The following LRRFIP2 variants were observed in gnomAD, a reference collection of about 807,000 sequenced individuals.
LRRFIP2 encodes the protein leucine-rich repeat flightless-interacting protein 2.
Under a neutral mutation model 125.9 loss-of-function variants are expected in LRRFIP2, and 109 were observed. The ratio of observed to expected loss-of-function variants is 0.87; its 90% CI spans 0.74 to 1.01. The LOEUF is 1.01. Ranked by LOEUF, LRRFIP2 falls within the 50% of genes least tolerant of loss-of-function variation. The pLI, the probability that LRRFIP2 is intolerant of heterozygous loss-of-function variation, is 0.00. For synonymous variants in LRRFIP2, 291 were observed against 293.1 expected (o/e 0.99, Z 0.07); for missense variants, 850 against 862.3 (o/e 0.99, Z 0.18).
intron 2 of LRRFIP2, among the ~76,000 whole-genome samples, chr3:37,145,422 T>A (rs1188388940): frequency 6.6e-6 from 1 of 152,190 alleles, no homozygotes. Flanking sequence ...TAAATACTTG[T>A]GAGAGGGGGA....
At chr3:37,160,388 G>T (rs186988682) in intron 1 of LRRFIP2, among the ~76,000 whole-genome samples, 1 of 152,046 alleles carries the variant, frequency 6.6e-6, no homozygotes, top group African/African-American at 2.4e-5. Context: ...AATAAACTAC[G>T]CAGGGAGAAG....
At position 37,093,469 on chromosome 3, in the gene LRRFIP2, T is replaced by C. The variant is rs928458620; in HGVS notation, c.1035+1323A>G. 3.9e-5 allele frequency among the ~76,000 whole-genome samples: 6 copies of C among 152,264 alleles called. No individual in the cohort carries two copies. The South Asian group carries it at 1.2e-3, about 32-fold the overall frequency. On this transcript the variant is annotated intron_variant, in intron 17 of 27. Transcript: ENST00000336686. ...ACCTTTAAAAGAAAGCTAAAAACCT[T>C]TTCTTAAATTTCTCTCTCCCTACCA...
chr3:37,117,146 C>T (rs1372038089), intron 6 of LRRFIP2, among the ~76,000 whole-genome samples: 2 of 150,448 alleles, frequency 1.3e-5, no homozygotes, highest in Non-Finnish European at 3.0e-5. Flanking sequence ...AAAAAACCTC[C>T]ATGACCAAAA....
intron 19 of LRRFIP2, among the ~76,000 whole-genome samples, chr3:37,080,841 C>T (rs1232186647): frequency 6.6e-6 from 1 of 152,078 alleles, no homozygotes; most frequent in Non-Finnish European, 1.5e-5. Flanking sequence ...AGGTGTGAAA[C>T]TTACCTGGAT....
chr3:37,102,354 T>C (rs530944511), intron 15 of LRRFIP2, among the ~76,000 whole-genome samples: 1 of 152,134 alleles, frequency 6.6e-6, no homozygotes, highest in African/African-American at 2.4e-5. Context: ...TGGCAAAATA[T>C]TGATAATTGT....
At chr3:37,152,067 G>A (rs538932817) in intron 1 of LRRFIP2, among the ~76,000 whole-genome samples, 9 of 152,186 alleles carry the variant, frequency 5.9e-5, no homozygotes, top group African/African-American at 2.2e-4. Context: ...AAAAACACAA[G>A]TGCTCATCAA....
chr3:37,078,972 T>C (rs906937241), intron 19 of LRRFIP2, among the ~76,000 whole-genome samples: 12 of 152,216 alleles, frequency 7.9e-5, no homozygotes, highest in Admixed American at 7.2e-4. Flanking sequence ...CATATTGATA[T>C]TTTAAGAGAA....
intron 15 of LRRFIP2, among the ~76,000 whole-genome samples, chr3:37,096,952 A>G (rs1457412443): frequency 6.6e-6 from 1 of 152,142 alleles, no homozygotes; most frequent in Non-Finnish European, 1.5e-5. Flanking sequence ...GGCTACATAT[A>G]AAGTTTTAGC....
intron 19 of LRRFIP2, among the ~76,000 whole-genome samples, chr3:37,081,648 C>G (rs1188082968): frequency 6.6e-6 from 1 of 151,986 alleles, no homozygotes; most frequent in Admixed American, 6.6e-5. Context: ...CTGTGGGAAG[C>G]TGAGGTGGGT....
intron 21 of LRRFIP2, chr3:37,067,109 A>G (rs975427744): frequency 6.6e-6 from 1 of 152,294 alleles, no homozygotes; most frequent in African/African-American, 2.4e-5. Flanking sequence ...CTGGAAAAAC[A>G]GAAGGGATAA....
intron 8 of LRRFIP2, among the ~76,000 whole-genome samples, chr3:37,112,227 T>C (rs1186756926): frequency 6.6e-6 from 1 of 151,298 alleles, no homozygotes; most frequent in Non-Finnish European, 1.5e-5. Context: ...TCCCAGCTAC[T>C]TGGGAGGCTG....
chr3:37,102,899 CA>C, intron 15 of LRRFIP2, 24 bp downstream of exon 15: 1 of 1,494,150 alleles, frequency 6.7e-7, no homozygotes, highest in Non-Finnish European at 9.1e-7. Flanking sequence ...ACAACATAAC[CA>C]ACCACCCCAT....
intron 24 of LRRFIP2, among the ~76,000 whole-genome samples, chr3:37,063,274 GA>G (rs1023332739): frequency 1.2e-4 from 19 of 152,184 alleles, no homozygotes; most frequent in African/African-American, 4.1e-4. Flanking sequence ...TTATTAGGAG[GA>G]TATAAGAGTG....
intron 6 of LRRFIP2, among the ~76,000 whole-genome samples, chr3:37,120,053 T>G (rs1239235735): frequency 6.6e-6 from 1 of 151,850 alleles, no homozygotes; most frequent in Non-Finnish European, 1.5e-5. Context: ...TACTGTAAAA[T>G]CATTTATAAG....
Position 37,167,211 on chromosome 3 carries a change from AAAG to A in LRRFIP2, c.-56+7325_-56+7327del, listed in dbSNP as rs1215249764. 1.2e-3 allele frequency among the ~76,000 whole-genome samples: 163 copies of A among 136,062 alleles called. 1 individual carries two copies. Among genetic ancestry groups the A allele is most frequent in the Admixed American group, 2.4e-3 (34 of 13,882 alleles). The allele number at this position is 136,062 out of a possible 152,430, so 89.3% of individuals were successfully genotyped here. A position where few individuals can be genotyped will look rare whatever the true frequency, so the allele number is the denominator to read the frequency against. ...AATCTTGTCTCCAAAAAAAAAAAAA[AAAG>A]AAAGAAAGAAAGAAAAGAAGAGAAA... On this transcript the variant is annotated intron_variant, in intron 1 of 27. Transcript: ENST00000336686.
rs114402101 is a variant in LRRFIP2 at position 37,167,302 on chromosome 3, C to A, written c.-56+7237G>T. 5.2e-3 allele frequency among the ~76,000 whole-genome samples: 787 copies of A among 151,932 alleles called. 7 individuals carry two copies. The highest frequency in any genetic ancestry group is 0.018 in the African/African-American group (751 of 41,454). Reference sequence around the variant, plus strand: ...TACAAATCAAAACCACAGTGAAATACCACCCTATTAGAGATTTTATTTTAA... The same window carrying A: ...TACAAATCAAAACCACAGTGAAATAACACCCTATTAGAGATTTTATTTTAA... On this transcript the variant is annotated intron_variant, in intron 1 of 27. Transcript: ENST00000336686.
intron 2 of LRRFIP2, among the ~76,000 whole-genome samples, chr3:37,140,067 A>G (rs2095654058): frequency 2.0e-5 from 3 of 152,052 alleles, no homozygotes; most frequent in South Asian, 2.1e-4. Context: ...TAAAACTCTC[A>G]TCTCTTAGCT....
chr3:37,053,831 C>T lies in LRRFIP2; in HGVS notation c.*20G>A, dbSNP rs867793415. 6.5e-7 allele frequency: 1 copy of T among 1,548,098 alleles called. No homozygotes were observed. Among genetic ancestry groups the T allele is most frequent in the African/African-American group, 1.4e-5 (1 of 73,632 alleles). ...AGGTAGGGCCCCAAGGAGCATCACCCAGGTTGAAGGGTGGTTTTCCTACTG... is the reference window on the plus strand; with the variant it reads ...AGGTAGGGCCCCAAGGAGCATCACCTAGGTTGAAGGGTGGTTTTCCTACTG... On this transcript the variant is annotated 3_prime_UTR_variant, in exon 28 of 28. Transcript: ENST00000336686.
rs547323715 is a variant in LRRFIP2, at chr3:37,058,703, T to C, written c.1870+87A>G. The C allele has an allele frequency of 5.7e-6, 8 of 1,403,460 alleles. 1 individual carries two copies. The South Asian group carries it at 8.8e-5, about 15-fold the overall frequency. The allele number at this position is 1,403,460 out of a possible 1,614,324, so 86.9% of individuals were successfully genotyped here. On this transcript the variant is annotated intron_variant, in intron 25 of 27. Coordinates refer to ENST00000336686, the MANE Select transcript of LRRFIP2 (RefSeq NM_006309.4). ...AAAAAAAAAAAAAAGAAAAGTGTAT[T>C]ACAAGATACCAGCAACCTGCTGACA... is the stretch of plus-strand genomic sequence containing the variant.
Sources: allele counts gnomAD v4.1 joint callset (sites outside exome capture counted in the v4.1 genomes callset), GRCh38; gene constraint gnomAD v4.1.1; transcripts MANE v1.5; gene names NCBI Gene and HGNC (gene_info 2026-07-23, HGNC 2026-07-21).